Variants in SLCO2B1 observed in about 807,000 individuals in gnomAD.
SLCO2B1 encodes OATP-RP2.
A neutral mutation model predicts 67.3 loss-of-function variants in SLCO2B1; 41 were observed. The ratio of observed to expected loss-of-function variants is 0.61; its 90% CI spans 0.47 to 0.79. The LOEUF (loss-of-function observed/expected upper bound fraction) is 0.79. SLCO2B1 is among the 30% of genes least tolerant of loss of function. The pLI is 0.00. For synonymous variants in SLCO2B1, 379 were observed against 381.4 expected (o/e 0.99, Z 0.07); for missense variants, 837 against 920.1 (o/e 0.91, Z 1.17).
In SLCO2B1 at chr11:75,193,690, C is replaced by T. The variant is rs1945061218; in HGVS notation, c.1433+115C>T. The T allele has an allele frequency of 1.1e-6, 1 of 921,050 alleles. No individual in the cohort carries two copies. Among genetic ancestry groups the T allele is most frequent in the African/African-American group, 1.7e-5 (1 of 60,568 alleles). 57.1% of individuals were successfully genotyped at this position (921,050 alleles called of 1,614,324 possible). A position where few individuals can be genotyped will look rare whatever the true frequency, so the allele number is the denominator to read the frequency against. The stretch of plus-strand genomic sequence containing the variant: ...AACCCCTGCCTCAAATCTTGCCTCC[C>T]CAGTTCTGCTTAACAGCCCTTTAGA... On this transcript the variant is annotated intron_variant, in intron 9 of 13. Transcript: ENST00000289575. This position sits in a 1 kb window ranked among gnomAD's most constrained non-coding sequence, Gnocchi z 4.2.
chr11:75,197,455 T>C (rs1945116584), intron 10 of SLCO2B1, among the ~76,000 whole-genome samples: 1 of 152,218 alleles, frequency 6.6e-6, no homozygotes, highest in Non-Finnish European at 1.5e-5. Context: ...GGAACACACA[T>C]GCGCAAGCAT....
intron 11 of SLCO2B1, 157 bp downstream of exon 11, chr11:75,200,544 A>G: frequency 1.6e-6 from 1 of 639,696 alleles, no homozygotes; most frequent in South Asian, 3.1e-5. Context: ...ATGGCAACCT[A>G]CTGAGGCAAG....
At chr11:75,166,314 C>T (rs1949891880) in intron 4 of SLCO2B1, among the ~76,000 whole-genome samples, 1 of 152,146 alleles carries the variant, frequency 6.6e-6, no homozygotes, top group South Asian at 2.1e-4. Flanking sequence ...TTACTATGCA[C>T]CAGACACTGC....
At chr11:75,173,014 A>T (rs1316623878) in intron 7 of SLCO2B1, among the ~76,000 whole-genome samples, 1 of 152,108 alleles carries the variant, frequency 6.6e-6, no homozygotes, top group Non-Finnish European at 1.5e-5. Flanking sequence ...AGCCTTGCAC[A>T]GTGAATATCA....
At chr11:75,156,082 A>G (rs929205889) in intron 1 of SLCO2B1, among the ~76,000 whole-genome samples, 3 of 152,170 alleles carry the variant, frequency 2.0e-5, no homozygotes, top group African/African-American at 4.8e-5. Context: ...CCTAATAAAA[A>G]CACTGGGAGA....
In SLCO2B1 at chr11:75,172,497, A is replaced by G. The variant is rs771866578; in HGVS notation, c.900A>G (p.Glu300=). ...AAIPYFFFPK[E]MPKEKRELQF... ...TCCCCTACTTCTTCTTCCCCAAGGA[A>G]ATGCCCAAGGAAAAACGTGAGCTTC... Residue 300 remains glutamate (E), a synonymous_variant, in exon 7 of 14, where the codon GAA becomes GAG. Coordinates refer to ENST00000289575, the MANE Select transcript of SLCO2B1 (RefSeq NM_007256.5). The G allele has an allele frequency of 6.2e-7, 1 of 1,614,072 alleles. No individual in the cohort carries two copies. The highest frequency in any genetic ancestry group is 1.7e-5 in the Admixed American group (1 of 60,004).
intron 13 of SLCO2B1, 103 bp downstream of exon 13, chr11:75,203,530 C>A: frequency 7.0e-7 from 1 of 1,434,790 alleles, no homozygotes; most frequent in South Asian, 1.2e-5. Context: ...AGTCTACCTG[C>A]TAGGTGACAG....
Position 75,169,697 on chromosome 11 carries a change from A to G in SLCO2B1, c.714A>G (p.Pro238=). 1 of 1,613,924 alleles carries G rather than the reference A, an allele frequency of 6.2e-7. No individual in the cohort carries two copies. The highest frequency in any genetic ancestry group is 8.5e-7 in the Non-Finnish European group (1 of 1,179,922). Residue 238 remains proline, a synonymous_variant, in exon 6 of 14, where the codon CCA becomes CCG. Coordinates refer to ENST00000289575, the MANE Select transcript of SLCO2B1 (RefSeq NM_007256.5). ...TGTTTGCAGTGACCATGATGGGGCC[A>G]GGCCTGGCCTTTGGGCTGGGCAGCC... ...GILFAVTMMG[P]GLAFGLGSLM...
At chr11:75,180,455 C>T (rs1251542320) in intron 7 of SLCO2B1, among the ~76,000 whole-genome samples, 1 of 152,210 alleles carries the variant, frequency 6.6e-6, no homozygotes, top group Non-Finnish European at 1.5e-5. Context: ...AATTACACCC[C>T]TACCAACAGG....
intron 8 of SLCO2B1, among the ~76,000 whole-genome samples, chr11:75,191,148 G>A (rs1364921622): frequency 6.6e-6 from 1 of 152,130 alleles, no homozygotes; most frequent in East Asian, 1.9e-4. Flanking sequence ...ATGGGGGAGG[G>A]AGGATAGAAG....
At chr11:75,199,885 A>G in intron 10 of SLCO2B1, 1 of 291,534 alleles carries the variant, frequency 3.4e-6, no homozygotes, top group Non-Finnish European at 6.4e-6. Flanking sequence ...GCCCGGGGAC[A>G]TGGCCAGCCT....
chr11:75,200,364 A>T lies in SLCO2B1; in HGVS notation c.1740A>T (p.Thr580=), dbSNP rs1359665241. The change falls in exon 11 of 14, where the codon ACA becomes ACT. Residue 580 remains threonine (T), a synonymous_variant. Coordinates refer to ENST00000289575, the MANE Select transcript of SLCO2B1 (RefSeq NM_007256.5). ...LGSALACLTH[T]PSFMLILRGV... ...CGGCCCTGGCCTGTCTCACCCACACACCCTCCTTCATGCTCATCCTAAGGT... is the reference window on the plus strand; with the variant it reads ...CGGCCCTGGCCTGTCTCACCCACACTCCCTCCTTCATGCTCATCCTAAGGT... 1.3e-5 allele frequency: 21 copies of T among 1,606,646 alleles called. No homozygotes were observed. Among genetic ancestry groups the T allele is most frequent in the Non-Finnish European group, 1.8e-5 (21 of 1,176,322 alleles).
At chr11:75,181,564 G>A in intron 7 of SLCO2B1, among the ~76,000 whole-genome samples, 1 of 152,074 alleles carries the variant, frequency 6.6e-6, no homozygotes, top group African/African-American at 2.4e-5. Flanking sequence ...TCACCCCAGA[G>A]TCCACATTGG....
chr11:75,167,365 G>A (rs994044205), intron 4 of SLCO2B1, among the ~76,000 whole-genome samples: 2 of 152,090 alleles, frequency 1.3e-5, no homozygotes, highest in African/African-American at 4.8e-5. Flanking sequence ...CACTTTTTCT[G>A]TGCAAGGTCA....
intron 7 of SLCO2B1, among the ~76,000 whole-genome samples, chr11:75,174,881 T>A (rs1490333804): frequency 6.6e-6 from 1 of 152,164 alleles, no homozygotes. Context: ...CACATGCCAG[T>A]CATGTGACCT....
At chr11:75,199,449 A>C (rs1461731556) in intron 10 of SLCO2B1, 1 of 152,376 alleles carries the variant, frequency 6.6e-6, no homozygotes, top group Non-Finnish European at 1.5e-5. Context: ...TGCAGCTCCC[A>C]GAACACCCTT....
Position 75,193,510 on chromosome 11 carries a change from C to T in SLCO2B1, c.1368C>T (p.Phe456=). The change falls in exon 9 of 14, where the codon TTC becomes TTT. Residue 456 remains phenylalanine (F), a synonymous_variant. Coordinates refer to ENST00000289575, the MANE Select transcript of SLCO2B1 (RefSeq NM_007256.5). This position sits in a 1 kb window ranked among gnomAD's most constrained non-coding sequence, Gnocchi z 4.2. ...CLLGMLLCLF[F]SLPLFFIGCS... is the part of the protein sequence containing the mutation. ...TGGGGATGCTGCTGTGCCTCTTCTTCAGCCTGCCGCTCTTCTTTATCGGCT... is the reference window on the plus strand; with the variant it reads ...TGGGGATGCTGCTGTGCCTCTTCTTTAGCCTGCCGCTCTTCTTTATCGGCT... The T allele has an allele frequency of 6.3e-7, 1 of 1,599,096 alleles. No individual in the cohort carries two copies. Among genetic ancestry groups the T allele is most frequent in the Non-Finnish European group, 8.5e-7 (1 of 1,171,248 alleles).
intron 10 of SLCO2B1, among the ~76,000 whole-genome samples, chr11:75,197,724 AGTC>A (rs1310632863): frequency 2.0e-5 from 3 of 152,228 alleles, no homozygotes; most frequent in African/African-American, 4.8e-5. Flanking sequence ...TCAGTCAGTC[AGTC>A]AACAAACTTC....
intron 7 of SLCO2B1, among the ~76,000 whole-genome samples, chr11:75,178,106 A>C (rs925464395): frequency 3.5e-5 from 5 of 140,886 alleles, no homozygotes; most frequent in Admixed American, 1.4e-4. Flanking sequence ...AAAAAAAAAA[A>C]AAACAAAAAA....
Sources: gnomAD v4.1 joint callset for allele counts (sites outside exome capture counted in the v4.1 genomes callset) on GRCh38, gnomAD v4.1.1 for gene constraint, Gnocchi (gnomAD v3.1) non-coding constraint, MANE v1.5 for transcripts, NCBI Gene and HGNC (gene_info 2026-07-23, HGNC 2026-07-21) for gene names.